CREB5: variants seen among roughly 807,000 people sequenced by gnomAD.
CREB5 encodes cyclic AMP-responsive element-binding protein 5.
CREB5 carries 19 observed loss-of-function variants against 57.1 expected under a neutral mutation model. The ratio of observed to expected loss-of-function variants is 0.33; its 90% CI spans 0.23 to 0.49. The LOEUF (loss-of-function observed/expected upper bound fraction) is 0.49, where lower values mean the gene tolerates loss of function less well. CREB5 is among the 20% of genes least tolerant of loss of function. The pLI, the probability that CREB5 is intolerant of heterozygous loss-of-function variation, is 0.99. For missense variants in CREB5, 579 were observed against 671.6 expected (o/e 0.86, Z 1.52); for synonymous variants, 238 against 238.3 (o/e 1.00, Z 0.01).
intron 5 of CREB5, among the ~76,000 whole-genome samples, chr7:28,700,512 A>G (rs1801798530): frequency 6.6e-6 from 1 of 152,208 alleles, no homozygotes. Flanking sequence ...AAGTTTAACA[A>G]CAACAACAAA....
chr7:28,764,356 C>A (rs1805835908), intron 7 of CREB5, among the ~76,000 whole-genome samples: 1 of 79,158 alleles, frequency 1.3e-5, no homozygotes, highest in Non-Finnish European at 3.1e-5. Flanking sequence ...CCTAATTCTC[C>A]TGTAAAAAAA....
chr7:28,593,818 G>A (rs1310791630), intron 5 of CREB5, among the ~76,000 whole-genome samples: 1 of 152,196 alleles, frequency 6.6e-6, no homozygotes, highest in Non-Finnish European at 1.5e-5. Flanking sequence ...ATCCAAGGGA[G>A]GAAGGGAGAG....
intron 1 of CREB5, among the ~76,000 whole-genome samples, chr7:28,344,953 A>G (rs981872967): frequency 1.3e-5 from 2 of 152,216 alleles, no homozygotes; most frequent in African/African-American, 4.8e-5. Flanking sequence ...ATTCATCTAG[A>G]AGACATAATA....
At chr7:28,474,092 A>G (rs915957435) in intron 1 of CREB5, among the ~76,000 whole-genome samples, 3 of 152,202 alleles carry the variant, frequency 2.0e-5, no homozygotes, top group Admixed American at 6.5e-5. Flanking sequence ...CCCTCTGAGA[A>G]GTCTGCTGGG....
intron 4 of CREB5, among the ~76,000 whole-genome samples, chr7:28,544,749 AG>A (rs1794352330): frequency 6.6e-6 from 1 of 152,172 alleles, no homozygotes; most frequent in South Asian, 2.1e-4. Context: ...GCCTCTTTGC[AG>A]ATGCTACCTA....
intron 5 of CREB5, among the ~76,000 whole-genome samples, chr7:28,632,948 T>C (rs1186692670): frequency 6.6e-6 from 1 of 152,208 alleles, no homozygotes; most frequent in Non-Finnish European, 1.5e-5. Flanking sequence ...TAATAGTGTA[T>C]TATATCATGG....
intron 7 of CREB5, among the ~76,000 whole-genome samples, chr7:28,801,069 T>C (rs540023827): frequency 2.0e-5 from 3 of 152,340 alleles, no homozygotes; most frequent in East Asian, 3.9e-4. Context: ...ATGTTAGCCA[T>C]TATTATTACC....
intron 6 of CREB5, among the ~76,000 whole-genome samples, chr7:28,720,077 A>AAT (rs1802940072): frequency 6.6e-6 from 1 of 152,186 alleles, no homozygotes; most frequent in Non-Finnish European, 1.5e-5. Context: ...AAACACAAAA[A>AAT]ATAATAATAG....
intron 1 of CREB5, among the ~76,000 whole-genome samples, chr7:28,430,904 AG>A (rs558118607): frequency 1.8e-4 from 28 of 152,292 alleles, no homozygotes; most frequent in African/African-American, 6.0e-4. Flanking sequence ...CTCAAACCTC[AG>A]TGGGGGAAGA....
intron 6 of CREB5, among the ~76,000 whole-genome samples, chr7:28,722,392 T>C (rs968288172): frequency 6.6e-6 from 1 of 152,152 alleles, no homozygotes; most frequent in Non-Finnish European, 1.5e-5. Context: ...AGGGGTCAAA[T>C]ACTATTCCAG....
chr7:28,413,003 G>A, intron 1 of CREB5, 86 bp downstream of exon 1: 2 of 1,225,324 alleles, frequency 1.6e-6, no homozygotes, highest in South Asian at 2.4e-5. Flanking sequence ...TTTCATAGAT[G>A]GAATTCAGAA....
At position 28,621,535 on chromosome 7, in the gene CREB5, C is replaced by T. The variant is rs148191193; in HGVS notation, c.464+50998C>T. On this transcript the variant is annotated intron_variant, in intron 5 of 10. Coordinates refer to ENST00000357727, the MANE Select transcript of CREB5 (RefSeq NM_182898.4). ...ACCTTCTGAACAAAGTGGCCACATGCGCTGTGGTTTTCCCTTGTTTATTTT... is the reference window on the plus strand; with the variant it reads ...ACCTTCTGAACAAAGTGGCCACATGTGCTGTGGTTTTCCCTTGTTTATTTT... 2.8e-3 allele frequency among the ~76,000 whole-genome samples: 420 copies of T among 152,290 alleles called. 1 individual carries two copies. Among genetic ancestry groups the T allele is most frequent in the Non-Finnish European group, 4.4e-3 (298 of 68,040 alleles).
intron 1 of CREB5, among the ~76,000 whole-genome samples, chr7:28,340,363 T>C (rs1459222273): frequency 3.5e-4 from 51 of 144,386 alleles, no homozygotes; most frequent in South Asian, 6.6e-4. Flanking sequence ...GGTGATAAAT[T>C]CTGCCAGGAC....
intron 7 of CREB5, among the ~76,000 whole-genome samples, chr7:28,754,295 C>T (rs1170266892): frequency 6.6e-6 from 1 of 152,200 alleles, no homozygotes; most frequent in Non-Finnish European, 1.5e-5. Context: ...CGGGCTGCAG[C>T]CCCACTTGCC....
At chr7:28,626,918 G>A (rs1562535225) in intron 5 of CREB5, among the ~76,000 whole-genome samples, 1 of 152,168 alleles carries the variant, frequency 6.6e-6, no homozygotes, top group Non-Finnish European at 1.5e-5. Flanking sequence ...GAAATAAAAA[G>A]CAGCCAGGAT....
intron 8 of CREB5, among the ~76,000 whole-genome samples, chr7:28,808,261 C>T (rs897587246): frequency 6.6e-6 from 1 of 152,194 alleles, no homozygotes; most frequent in Non-Finnish European, 1.5e-5. Flanking sequence ...TATGCAGGTC[C>T]AGCTAGTCCT....
intron 7 of CREB5, among the ~76,000 whole-genome samples, chr7:28,801,403 A>C (rs1005105185): frequency 6.6e-6 from 1 of 152,188 alleles, no homozygotes; most frequent in Non-Finnish European, 1.5e-5. Flanking sequence ...ATTTCAACAT[A>C]ACCTCTTTTC....
At chr7:28,310,655 T>C (rs1288295937) in intron 1 of CREB5, among the ~76,000 whole-genome samples, 1 of 152,254 alleles carries the variant, frequency 6.6e-6, no homozygotes, top group Non-Finnish European at 1.5e-5. Flanking sequence ...TTCAAACATA[T>C]ACGAAAGTAT....
At chr7:28,329,153 T>C (rs1448037825) in intron 1 of CREB5, among the ~76,000 whole-genome samples, 3 of 152,162 alleles carry the variant, frequency 2.0e-5, no homozygotes, top group South Asian at 2.1e-4. Context: ...CCTTAATAGA[T>C]GAATAGGGAT....
Sources: gnomAD v4.1 joint callset for allele counts (sites outside exome capture counted in the v4.1 genomes callset) on GRCh38, gnomAD v4.1.1 for gene constraint, MANE v1.5 for transcripts, NCBI Gene and HGNC (gene_info 2026-07-23, HGNC 2026-07-21) for gene names.